Variants in CHRM3 observed in about 807,000 individuals in gnomAD.
The protein encoded by CHRM3 is muscarinic acetylcholine receptor M3.
Under a neutral mutation model 41.8 loss-of-function variants are expected in CHRM3, and 11 were observed. The observed-to-expected ratio is 0.26, with a 90% CI of 0.17 to 0.44. CHRM3 has a LOEUF of 0.44. Ranked by LOEUF, CHRM3 falls within the 20% of genes least tolerant of loss-of-function variation. The probability of loss-of-function intolerance (pLI) is 1.00; values close to 1 mark genes in which losing one functional copy is unlikely to be tolerated. For missense variants in CHRM3, 571 were observed against 745.4 expected (o/e 0.77, Z 2.72); for synonymous variants, 297 against 301.4 (o/e 0.99, Z 0.15).
chr1:239,638,729 T>G (rs909880227), intron 4 of CHRM3, among the ~76,000 whole-genome samples: 1 of 152,172 alleles, frequency 6.6e-6, no homozygotes, highest in Admixed American at 6.5e-5. Flanking sequence ...TTCACTCTGA[T>G]GGTAGTTTCT....
chr1:239,629,917 C>T (rs1375060415), intron 3 of CHRM3, among the ~76,000 whole-genome samples: 1 of 152,110 alleles, frequency 6.6e-6, no homozygotes, highest in Non-Finnish European at 1.5e-5. Context: ...GACCTTTGAG[C>T]CATGTTTACT....
At chr1:239,698,128 T>A (rs1437697651) in intron 5 of CHRM3, among the ~76,000 whole-genome samples, 4 of 152,188 alleles carry the variant, frequency 2.6e-5, no homozygotes, top group African/African-American at 9.6e-5. Context: ...TTTGTTAAAT[T>A]CGTTTTCTAA....
rs905641632 is a variant in CHRM3 at position 239,726,603 on chromosome 1, G to C, written c.-147+48315G>C. Reference sequence around the variant, plus strand: ...ACTTTAATGGCTTCAGCAATTACTTGTCTGATTCTCTATAAGATGCATGGT... The same window carrying C: ...ACTTTAATGGCTTCAGCAATTACTTCTCTGATTCTCTATAAGATGCATGGT... On this transcript the variant is annotated intron_variant, in intron 5 of 6. Coordinates refer to ENST00000676153, the MANE Select transcript of CHRM3 (RefSeq NM_001375978.1). 3.0e-4 allele frequency among the ~76,000 whole-genome samples: 46 copies of C among 151,962 alleles called. 1 individual carries two copies. Among genetic ancestry groups the C allele is most frequent in the African/African-American group, 9.6e-4 (40 of 41,486 alleles).
At chr1:239,443,708 G>A (rs974204415) in intron 1 of CHRM3, among the ~76,000 whole-genome samples, 6 of 152,048 alleles carry the variant, frequency 3.9e-5, no homozygotes, top group East Asian at 1.9e-4. Flanking sequence ...AGCATTAGTC[G>A]GTATAATATA....
At chr1:239,584,724 G>T (rs1663242839) in intron 3 of CHRM3, among the ~76,000 whole-genome samples, 1 of 152,094 alleles carries the variant, frequency 6.6e-6, no homozygotes, top group South Asian at 2.1e-4. Context: ...TTAGAGTCCA[G>T]ATTTAGCCCC....
At chr1:239,580,704 T>TATATATATATATATATATACAC (rs570878631) in intron 3 of CHRM3, among the ~76,000 whole-genome samples, 6 of 131,058 alleles carry the variant, frequency 4.6e-5, no homozygotes, top group African/African-American at 1.1e-4. Flanking sequence ...TATATATATA[T>TATATATATATATATATATACAC]ACACACACAC....
chr1:239,423,175 C>A (rs1468060463), intron 1 of CHRM3, among the ~76,000 whole-genome samples: 1 of 152,138 alleles, frequency 6.6e-6, no homozygotes, highest in Non-Finnish European at 1.5e-5. Flanking sequence ...GATTGAAATT[C>A]CAAAGAAATT....
intron 5 of CHRM3, among the ~76,000 whole-genome samples, chr1:239,725,808 A>G (rs1663384928): frequency 6.6e-6 from 1 of 151,954 alleles, no homozygotes; most frequent in Non-Finnish European, 1.5e-5. Flanking sequence ...TTGGGTAAAA[A>G]TAATTTAGAC....
chr1:239,879,026 A>C (rs1196974610), intron 6 of CHRM3, among the ~76,000 whole-genome samples: 1 of 152,134 alleles, frequency 6.6e-6, no homozygotes, highest in African/African-American at 2.4e-5. Flanking sequence ...TTTCAAATTT[A>C]AGTTTGCCTC....
At chr1:239,464,447 G>A (rs985444988) in intron 1 of CHRM3, among the ~76,000 whole-genome samples, 3 of 152,010 alleles carry the variant, frequency 2.0e-5, no homozygotes, top group Non-Finnish European at 4.4e-5. Flanking sequence ...CTGGGAATTC[G>A]TTCTAGCCTC....
intron 5 of CHRM3, among the ~76,000 whole-genome samples, chr1:239,679,121 A>T (rs1459238513): frequency 6.6e-6 from 1 of 152,186 alleles, no homozygotes; most frequent in Non-Finnish European, 1.5e-5. Flanking sequence ...TTGTATATAT[A>T]GTATGCAATG....
chr1:239,645,508 A>G (rs1671668415), intron 4 of CHRM3, among the ~76,000 whole-genome samples: 1 of 152,228 alleles, frequency 6.6e-6, no homozygotes, highest in South Asian at 2.1e-4. Context: ...ATGTGGACTA[A>G]AAGAAAAGAA....
intron 2 of CHRM3, among the ~76,000 whole-genome samples, chr1:239,533,841 C>T (rs904590344): frequency 2.0e-5 from 3 of 151,820 alleles, no homozygotes; most frequent in African/African-American, 7.3e-5. Context: ...TGATTCATTA[C>T]CTCCCACTGG....
intron 1 of CHRM3, among the ~76,000 whole-genome samples, chr1:239,482,636 T>G (rs2148010838): frequency 1.3e-5 from 2 of 152,300 alleles, no homozygotes; most frequent in South Asian, 2.1e-4. Context: ...CCTAGGTTAC[T>G]CCTACCTAGC....
At chr1:239,720,680 A>C (rs1662879275) in intron 5 of CHRM3, among the ~76,000 whole-genome samples, 2 of 151,942 alleles carry the variant, frequency 1.3e-5, no homozygotes, top group South Asian at 4.1e-4. Context: ...GTTATTCTCC[A>C]GAGTTTTTAT....
intron 5 of CHRM3, among the ~76,000 whole-genome samples, chr1:239,754,835 C>T (rs1558514397): frequency 6.6e-6 from 1 of 152,132 alleles, no homozygotes; most frequent in Non-Finnish European, 1.5e-5. Context: ...CGGTCTAGTC[C>T]TCTAGAGGCT....
At chr1:239,470,519 G>A (rs577922107) in intron 1 of CHRM3, among the ~76,000 whole-genome samples, 1 of 152,290 alleles carries the variant, frequency 6.6e-6, no homozygotes, top group East Asian at 1.9e-4. Flanking sequence ...AAAGGGCCCA[G>A]GGAAGCAACC....
intron 5 of CHRM3, among the ~76,000 whole-genome samples, chr1:239,741,783 G>C (rs948929913): frequency 6.6e-6 from 1 of 152,162 alleles, no homozygotes; most frequent in Non-Finnish European, 1.5e-5. Context: ...AACATAATCA[G>C]AAGCTATATT....
intron 3 of CHRM3, among the ~76,000 whole-genome samples, chr1:239,548,058 G>A (rs1558308887): frequency 1.3e-5 from 2 of 152,122 alleles, no homozygotes; most frequent in Non-Finnish European, 2.9e-5. Flanking sequence ...GGGAGTAAGG[G>A]CTTGAACTTT....
Sources: gnomAD v4.1 joint callset for allele counts (sites outside exome capture counted in the v4.1 genomes callset) on GRCh38, gnomAD v4.1.1 for gene constraint, MANE v1.5 for transcripts, NCBI Gene and HGNC (gene_info 2026-07-23, HGNC 2026-07-21) for gene names.